Variants in WWOX observed in about 807,000 individuals in gnomAD.
WWOX encodes the protein WW domain containing oxidoreductase, also known as WW domain-containing oxidoreductase.
In WWOX, 69 loss-of-function variants were observed where a neutral mutation model predicts 46.2. The observed-to-expected ratio is 1.49, with a 90% CI of 1.23 to 1.82. The LOEUF (loss-of-function observed/expected upper bound fraction) is 1.82. WWOX is among the 40% of genes most tolerant of loss of function. The probability of loss-of-function intolerance (pLI) is 0.00; values close to 1 mark genes in which losing one functional copy is unlikely to be tolerated. For synonymous variants in WWOX, 359 were observed against 202.6 expected (o/e 1.77, Z -6.56); for missense variants, 919 against 542.6 (o/e 1.69, Z -6.89).
At chr16:78,170,524 C>G (rs2035122630) in intron 5 of WWOX, among the ~76,000 whole-genome samples, 1 of 152,186 alleles carries the variant, frequency 6.6e-6, no homozygotes, top group Non-Finnish European at 1.5e-5. Flanking sequence ...GAAAGAGGAG[C>G]TCTAGGGCAG....
chr16:78,549,352 T>C (rs116672699), intron 8 of WWOX, among the ~76,000 whole-genome samples: 2,926 of 152,314 alleles, frequency 0.019, 37 homozygotes, highest in African/African-American at 0.043. Context: ...TCTGTTAATA[T>C]ATTTGTTCGA....
intron 8 of WWOX, among the ~76,000 whole-genome samples, chr16:78,591,372 T>C (rs112380391): frequency 1.6e-4 from 25 of 152,292 alleles, no homozygotes; most frequent in African/African-American, 3.4e-4. Flanking sequence ...ATTGGGTGTT[T>C]AGGCCATGGA....
At chr16:78,497,760 C>G (rs906084590) in intron 8 of WWOX, among the ~76,000 whole-genome samples, 5 of 151,878 alleles carry the variant, frequency 3.3e-5, no homozygotes, top group African/African-American at 1.2e-4. Context: ...GTGGTTGGGT[C>G]TGGAGATGTC....
At chr16:79,044,338 G>C (rs920479060) in intron 8 of WWOX, among the ~76,000 whole-genome samples, 7 of 152,214 alleles carry the variant, frequency 4.6e-5, no homozygotes, top group Non-Finnish European at 8.8e-5. Flanking sequence ...GTAATCTGCA[G>C]CGTTGGAGGT....
chr16:78,944,273 C>T (rs1017034107), intron 8 of WWOX, among the ~76,000 whole-genome samples: 2 of 152,126 alleles, frequency 1.3e-5, no homozygotes, highest in African/African-American at 4.8e-5. Context: ...CCTACTTTAT[C>T]AGCATCTACA....
chr16:79,126,348 A>G (rs1013675077), intron 8 of WWOX, among the ~76,000 whole-genome samples: 4 of 152,276 alleles, frequency 2.6e-5, no homozygotes, highest in South Asian at 2.1e-4. Context: ...CTCAAATGTC[A>G]TCTCGAATTG....
At chr16:78,583,911 C>G (rs1190175950) in intron 8 of WWOX, among the ~76,000 whole-genome samples, 1 of 152,202 alleles carries the variant, frequency 6.6e-6, no homozygotes, top group Non-Finnish European at 1.5e-5. Context: ...TTTTAGGCAT[C>G]CTCACAAAAC....
At chr16:78,786,974 C>T (rs552800733) in intron 8 of WWOX, among the ~76,000 whole-genome samples, 1 of 152,068 alleles carries the variant, frequency 6.6e-6, no homozygotes, top group Non-Finnish European at 1.5e-5. Context: ...ATGATGAAAC[C>T]CTGTCTCTAC....
At chr16:78,457,909 CAAAA>C (rs57956003) in intron 8 of WWOX, among the ~76,000 whole-genome samples, 2 of 87,014 alleles carry the variant, frequency 2.3e-5, no homozygotes, top group Non-Finnish European at 2.1e-5. Context: ...GACTCTGACT[CAAAA>C]AAAAAAAAAA....
intron 5 of WWOX, among the ~76,000 whole-genome samples, chr16:78,210,619 C>G (rs1453160374): frequency 6.6e-6 from 1 of 152,180 alleles, no homozygotes; most frequent in African/African-American, 2.4e-5. Context: ...CACCCAAAAC[C>G]TGTTTCCTAA....
intron 8 of WWOX, among the ~76,000 whole-genome samples, chr16:78,868,652 T>C (rs1271749146): frequency 6.6e-6 from 1 of 152,182 alleles, no homozygotes; most frequent in Non-Finnish European, 1.5e-5. Flanking sequence ...TCTGTTACTA[T>C]CTGTCCAACA....
intron 8 of WWOX, among the ~76,000 whole-genome samples, chr16:78,887,357 C>A (rs1014629558): frequency 6.6e-6 from 1 of 151,914 alleles, no homozygotes; most frequent in African/African-American, 2.4e-5. Flanking sequence ...TCTCTCCCAA[C>A]TCCCCACGTT....
At chr16:78,758,212 C>G (rs1243695467) in intron 8 of WWOX, among the ~76,000 whole-genome samples, 12 of 151,964 alleles carry the variant, frequency 7.9e-5, no homozygotes, top group Non-Finnish European at 1.5e-5. Context: ...GAAGATAAAC[C>G]TATATACAAA....
chr16:79,138,920 C>G (rs985643248), intron 8 of WWOX, among the ~76,000 whole-genome samples: 5 of 152,160 alleles, frequency 3.3e-5, no homozygotes, highest in Non-Finnish European at 7.3e-5. Context: ...AAGGAGAATT[C>G]GACCAGGGTA....
chr16:78,193,982 A>T (rs1269335856), intron 5 of WWOX, among the ~76,000 whole-genome samples: 1 of 150,910 alleles, frequency 6.6e-6, no homozygotes, highest in Non-Finnish European at 1.5e-5. Context: ...GGTTCCTGCC[A>T]TTCTCTTGCC....
intron 8 of WWOX, chr16:78,825,841 G>A: frequency 1.6e-6 from 1 of 617,874 alleles, no homozygotes; most frequent in South Asian, 1.9e-5. Context: ...TGAAGGTCAT[G>A]CTGCCCTGGG....
In WWOX at chr16:79,202,063, T is replaced by C. The variant is rs201436694; in HGVS notation, c.1057-9545T>C. The stretch of plus-strand genomic sequence containing the variant: ...TAAATCTGGCCCAGTGCCTTTTTTT[T>C]TATAAATAAAGTTTTATTGGAATAC... On this transcript the variant is annotated intron_variant, in intron 8 of 8. Transcript: ENST00000566780. Among the ~76,000 whole-genome samples the C allele has an allele frequency of 3.3e-5, 5 of 149,768 alleles. No individual in the cohort carries two copies. In the South Asian group the frequency reaches 1.0e-3, roughly 31 times the overall value.
At chr16:78,829,121 T>C (rs2051742159) in intron 8 of WWOX, among the ~76,000 whole-genome samples, 3 of 147,360 alleles carry the variant, frequency 2.0e-5, no homozygotes, top group Admixed American at 2.0e-4. Context: ...GATGGATGGA[T>C]GGATGGATGG....
chr16:78,881,719 A>G (rs963779694), intron 8 of WWOX, among the ~76,000 whole-genome samples: 3 of 152,246 alleles, frequency 2.0e-5, no homozygotes, highest in African/African-American at 7.2e-5. Flanking sequence ...CTTAAGAAGT[A>G]ATAGAATGAT....
Sources: allele counts gnomAD v4.1 joint callset (sites outside exome capture counted in the v4.1 genomes callset), GRCh38; gene constraint gnomAD v4.1.1; transcripts MANE v1.5; gene names NCBI Gene and HGNC (gene_info 2026-07-23, HGNC 2026-07-21).